Variants in PCDHGA1 observed in about 807,000 individuals in gnomAD.
The protein encoded by PCDHGA1 is protocadherin gamma subfamily A, 1.
A neutral mutation model predicts 58.0 loss-of-function variants in PCDHGA1; 32 were observed. The ratio of observed to expected loss-of-function variants is 0.55; its 90% CI spans 0.42 to 0.74. The LOEUF is 0.74. Ranked by LOEUF, PCDHGA1 falls within the 30% of genes least tolerant of loss-of-function variation. PCDHGA1 has a pLI of 0.00. For synonymous variants in PCDHGA1, 498 were observed against 501.1 expected (o/e 0.99, Z 0.08); for missense variants, 1,205 against 1,182.3 (o/e 1.02, Z -0.28).
intron 1 of PCDHGA1, chr5:141,365,612 G>A (rs769437434): frequency 6.2e-7 from 1 of 1,613,592 alleles, no homozygotes; most frequent in Admixed American, 1.7e-5. Context: ...CATGGACCAT[G>A]GAACCCCGCC....
At chr5:141,400,227 C>A (rs760084071) in intron 1 of PCDHGA1, 2 of 1,614,052 alleles carry the variant, frequency 1.2e-6, no homozygotes, top group Non-Finnish European at 1.7e-6. Flanking sequence ...TGCTCTTCCT[C>A]CTGGCCGTGA....
chr5:141,483,872 T>A (rs1373802168), intron 1 of PCDHGA1, among the ~76,000 whole-genome samples: 1 of 152,080 alleles, frequency 6.6e-6, no homozygotes, highest in African/African-American at 2.4e-5. Context: ...CAGATCAGGA[T>A]GGATTTTTCT....
intron 1 of PCDHGA1, chr5:141,339,671 G>A (rs1343893770): frequency 6.2e-7 from 1 of 1,614,062 alleles, no homozygotes. Flanking sequence ...GAAGGTCCTG[G>A]ATGCGAACGA....
intron 1 of PCDHGA1, chr5:141,405,413 T>C: frequency 6.4e-7 from 1 of 1,561,606 alleles, no homozygotes; most frequent in South Asian, 1.2e-5. Context: ...TTTTCTTTTT[T>C]TGTTTTTTGT....
At chr5:141,390,150 C>T (rs768850867) in intron 1 of PCDHGA1, 1 of 1,613,916 alleles carries the variant, frequency 6.2e-7, no homozygotes, top group African/African-American at 1.3e-5. Flanking sequence ...ATGTGTTGCA[C>T]ATACAGGAAA....
At chr5:141,422,202 T>C (rs1272540004) in intron 1 of PCDHGA1, 1 of 1,561,656 alleles carries the variant, frequency 6.4e-7, no homozygotes, top group Admixed American at 2.0e-5. Flanking sequence ...GCCAAGATGG[T>C]GGAGGTCTCT....
chr5:141,451,148 G>A (rs536843411), intron 1 of PCDHGA1, among the ~76,000 whole-genome samples: 2 of 152,154 alleles, frequency 1.3e-5, no homozygotes, highest in East Asian at 3.9e-4. Flanking sequence ...ATTTAGACTA[G>A]ACATTTTTTT....
At chr5:141,428,022 G>A (rs1439933482) in intron 1 of PCDHGA1, 11 of 1,605,558 alleles carry the variant, frequency 6.9e-6, no homozygotes, top group South Asian at 1.1e-5. Context: ...GCCACGCGCC[G>A]CAGAGTCCGG....
chr5:141,380,459 C>T (rs1776510464), intron 1 of PCDHGA1, among the ~76,000 whole-genome samples: 1 of 152,164 alleles, frequency 6.6e-6, no homozygotes, highest in Non-Finnish European at 1.5e-5. Flanking sequence ...TGCAACCAAA[C>T]AAATGGTCAG....
intron 2 of PCDHGA1, among the ~76,000 whole-genome samples, chr5:141,498,573 A>G (rs7725519): frequency 0.52 from 78,890 of 151,684 alleles, 21,175 homozygotes; most frequent in African/African-American, 0.65. Flanking sequence ...CAGGGCTAGT[A>G]TTGAGTTCTT....
chr5:141,380,816 A>T (rs546532723), intron 1 of PCDHGA1, among the ~76,000 whole-genome samples: 1 of 152,256 alleles, frequency 6.6e-6, no homozygotes, highest in Non-Finnish European at 1.5e-5. Flanking sequence ...AGATGAAACT[A>T]TGAATTTTGA....
intron 1 of PCDHGA1, chr5:141,422,266 G>A (rs1393466157): frequency 6.4e-7 from 1 of 1,563,654 alleles, no homozygotes; most frequent in Non-Finnish European, 8.6e-7. Context: ...TAACGCTCCA[G>A]AAATAACTAT....
At chr5:141,414,949 G>C (rs774769957) in intron 1 of PCDHGA1, 13 of 1,613,978 alleles carry the variant, frequency 8.1e-6, no homozygotes, top group African/African-American at 1.3e-5. Context: ...CGGCTACCTG[G>C]TGACCAAGGT....
chr5:141,467,084 A>T, intron 1 of PCDHGA1, among the ~76,000 whole-genome samples: 1 of 142,674 alleles, frequency 7.0e-6, no homozygotes, highest in African/African-American at 2.6e-5. Context: ...ACCAAGTCTC[A>T]CTCTGTCACA....
chr5:141,331,743 C>CA lies in PCDHGA1; in HGVS notation c.1060dup (p.Thr354AsnfsTer20). 1 of 1,614,116 alleles carries CA rather than the reference C, an allele frequency of 6.2e-7. No homozygotes were observed. Among genetic ancestry groups the CA allele is most frequent in the Non-Finnish European group, 8.5e-7 (1 of 1,180,010 alleles). ...CAGAAGTGACCATCACCTCTGTCAC[C>CA]ACTGCAGTTCCAGAAAACTTTCCTC... On this transcript the variant is annotated frameshift_variant, in exon 1 of 4. Coordinates refer to ENST00000517417, the MANE Select transcript of PCDHGA1 (RefSeq NM_018912.3). LOFTEE classifies it high-confidence loss of function.
Position 141,489,830 on chromosome 5 carries a change from A to C in PCDHGA1, c.2422-4977A>C. On this transcript the variant is annotated intron_variant, in intron 1 of 3. Transcript: ENST00000517417. The surrounding 1 kb of genome is among the most constrained non-coding windows in gnomAD (Gnocchi z 4.5). ...AAGCCATTCCCAGAGCTGGTGCTAG[A>C]GCAGCAGCTGGATCGTGAAGCCCAG... 1 of 1,614,200 alleles carries C rather than the reference A, an allele frequency of 6.2e-7. No homozygotes were observed. Among genetic ancestry groups the C allele is most frequent in the Non-Finnish European group, 8.5e-7 (1 of 1,180,010 alleles).
At chr5:141,343,962 G>A (rs1757344365) in intron 1 of PCDHGA1, 3 of 1,360,828 alleles carry the variant, frequency 2.2e-6, no homozygotes, top group Non-Finnish European at 2.0e-6. Context: ...TTCGTTTCTT[G>A]AGAAAATAAG....
Position 141,510,938 on chromosome 5 carries a change from T to A in PCDHGA1, c.2570-9T>A. 1 of 1,614,026 alleles carries A rather than the reference T, an allele frequency of 6.2e-7. No homozygotes were observed. Among genetic ancestry groups the A allele is most frequent in the Non-Finnish European group, 8.5e-7 (1 of 1,179,984 alleles). ...TTAGCTCCCACCTGATCTTCCTCTG[T>A]CTCTGCAGAAGCTGCTGATGGGAGC... On this transcript the variant is annotated splice_polypyrimidine_tract_variant and intron_variant, in intron 3 of 3. Coordinates refer to ENST00000517417, the MANE Select transcript of PCDHGA1 (RefSeq NM_018912.3).
chr5:141,403,324 T>G (rs769971532), intron 1 of PCDHGA1: 1 of 1,613,974 alleles, frequency 6.2e-7, no homozygotes, highest in East Asian at 2.2e-5. Context: ...TAGAAGTAAC[T>G]GATATTAACG....
Sources: allele counts gnomAD v4.1 joint callset (sites outside exome capture counted in the v4.1 genomes callset), GRCh38; gene constraint gnomAD v4.1.1; non-coding constraint Gnocchi (gnomAD v3.1); transcripts MANE v1.5; gene names NCBI Gene and HGNC (gene_info 2026-07-23, HGNC 2026-07-21).